The following MSMP variants were observed in gnomAD, a reference collection of about 807,000 sequenced individuals.
MSMP encodes the protein microseminoprotein, prostate associated.
MSMP carries 9 observed loss-of-function variants against 15.8 expected under a neutral mutation model. The ratio of observed to expected loss-of-function variants is 0.57; its 90% CI spans 0.34 to 0.99. The LOEUF is 0.99. Ranked by LOEUF, MSMP falls within the 50% of genes least tolerant of loss-of-function variation. MSMP has a pLI of 0.02. For synonymous variants in MSMP, 64 were observed against 64.4 expected (o/e 0.99, Z 0.03); for missense variants, 170 against 173.4 (o/e 0.98, Z 0.11).
chr9:35,754,144 C>A lies in MSMP; in HGVS notation c.-15G>T. 6.2e-7 allele frequency: 1 copy of A among 1,605,204 alleles called. No homozygotes were observed. The highest frequency in any genetic ancestry group is 8.5e-7 in the Non-Finnish European group (1 of 1,174,744). On this transcript the variant is annotated 5_prime_UTR_variant, in exon 1 of 3. Coordinates refer to ENST00000436428, the MANE Select transcript of MSMP (RefSeq NM_001044264.3). The stretch of plus-strand genomic sequence containing the variant: ...CTTAGGGCCATTGCTGCTGCACAGC[C>A]CTCTCAGACCCTTCTTGGCCTCTGC...
chr9:35,753,564 T>C lies in MSMP; in HGVS notation c.239+96A>G, dbSNP rs1304303248. 16 of 1,064,882 alleles carry C rather than the reference T, an allele frequency of 1.5e-5. No individual in the cohort carries two copies. The Middle Eastern group carries it at 1.0e-3, about 68-fold the overall frequency. 66.0% of individuals were successfully genotyped at this position (1,064,882 alleles called of 1,614,324 possible). A position where few individuals can be genotyped will look rare whatever the true frequency, so the allele number is the denominator to read the frequency against. ...TTTGGCCCATCTTGTATTGCTCTTC[T>C]GTTCATTCTTACATCACAGCAATCT... On this transcript the variant is annotated intron_variant, in intron 2 of 2. Coordinates refer to ENST00000436428, the MANE Select transcript of MSMP (RefSeq NM_001044264.3). The surrounding 1 kb of genome is among the most constrained non-coding windows in gnomAD (Gnocchi z 4.2).
Position 35,753,265 on chromosome 9 carries a change from G to T in MSMP, c.255C>A (p.Ile85=). 6.2e-7 allele frequency: 1 copy of T among 1,613,790 alleles called. No homozygotes were observed. Among genetic ancestry groups the T allele is most frequent in the Non-Finnish European group, 8.5e-7 (1 of 1,179,980 alleles). The change falls in exon 3 of 3, where the codon ATC becomes ATA. Residue 85 remains isoleucine (I), a synonymous_variant. Coordinates refer to ENST00000436428, the MANE Select transcript of MSMP (RefSeq NM_001044264.3). The surrounding 1 kb of genome is among the most constrained non-coding windows in gnomAD (Gnocchi z 4.2). ...GTACCTCACACCCAGCCGGGAAGTC[G>T]ATGGGATGCTGGGACCTGGGGAACC... ...VGCCDTSQHP[I]DFPAGCEVRQ...
Position 35,753,827 on chromosome 9 carries a change from T to C in MSMP, c.131-59A>G. On this transcript the variant is annotated intron_variant, in intron 1 of 2. Coordinates refer to ENST00000436428, the MANE Select transcript of MSMP (RefSeq NM_001044264.3). This position sits in a 1 kb window ranked among gnomAD's most constrained non-coding sequence, Gnocchi z 4.2. The stretch of plus-strand genomic sequence containing the variant: ...GAGTGCTGATGAGAGGCAGAGGCTC[T>C]TCTGGTCTGGGGTGGAGACAGTAAG... 6.4e-7 allele frequency: 1 copy of C among 1,555,662 alleles called. No individual in the cohort carries two copies. The highest frequency in any genetic ancestry group is 8.9e-7 in the Non-Finnish European group (1 of 1,129,616).
At position 35,753,802 on chromosome 9, in the gene MSMP, G is replaced by C. The variant is rs1167466762; in HGVS notation, c.131-34C>G. The C allele has an allele frequency of 1.9e-6, 3 of 1,581,706 alleles. No individual in the cohort carries two copies. The highest frequency in any genetic ancestry group is 2.6e-6 in the Non-Finnish European group (3 of 1,151,262). ...GAACGGGAAATGTTAGTAGGTGTAG[G>C]AGTGCTGATGAGAGGCAGAGGCTCT... On this transcript the variant is annotated intron_variant, in intron 1 of 2. Transcript: ENST00000436428. This position sits in a 1 kb window ranked among gnomAD's most constrained non-coding sequence, Gnocchi z 4.2.
Position 35,754,006 on chromosome 9 carries a change from C to T in MSMP, c.124G>A (p.Ala42Thr), listed in dbSNP as rs1416135154. ...PGVYSKCYFQ[A>T]QAPCHYEGKY... ...ACGCTTCACCCCACTTTACCTTGAGCTTGGAAGTAGCACTTGCTGTAGACT... is the reference window on the plus strand; with the variant it reads ...ACGCTTCACCCCACTTTACCTTGAGTTTGGAAGTAGCACTTGCTGTAGACT... Residue 42 changes from alanine (A) to threonine (T), a missense_variant, in exon 1 of 3, where the codon GCT becomes ACT. Coordinates refer to ENST00000436428, the MANE Select transcript of MSMP (RefSeq NM_001044264.3). The T allele has an allele frequency of 6.2e-7, 1 of 1,613,016 alleles. No individual in the cohort carries two copies.
chr9:35,753,993 A>G lies in MSMP; in HGVS notation c.130+7T>C. 6.2e-7 allele frequency: 1 copy of G among 1,611,360 alleles called. No individual in the cohort carries two copies. The highest frequency in any genetic ancestry group is 8.5e-7 in the Non-Finnish European group (1 of 1,178,266). On this transcript the variant is annotated splice_region_variant and intron_variant, in intron 1 of 2. Coordinates refer to ENST00000436428, the MANE Select transcript of MSMP (RefSeq NM_001044264.3). The surrounding 1 kb of genome is among the most constrained non-coding windows in gnomAD (Gnocchi z 4.2). ...TCCTCCATTCCTAACGCTTCACCCCACTTTACCTTGAGCTTGGAAGTAGCA... is the reference window on the plus strand; with the variant it reads ...TCCTCCATTCCTAACGCTTCACCCCGCTTTACCTTGAGCTTGGAAGTAGCA...
In MSMP at chr9:35,753,725, A is replaced by T; in HGVS notation, c.174T>A (p.Ser58=). The T allele has an allele frequency of 1.9e-6, 3 of 1,614,184 alleles. No individual in the cohort carries two copies. The highest frequency in any genetic ancestry group is 2.5e-6 in the Non-Finnish European group (3 of 1,180,024). Reference sequence around the variant, plus strand: ...AATGGAAACAGTCCTTGCGGAGCCAAGACTCACCCAGGGTAAAATATTTCC... The same window carrying T: ...AATGGAAACAGTCCTTGCGGAGCCATGACTCACCCAGGGTAAAATATTTCC... ...YEGKYFTLGE[S]WLRKDCFHCT... Residue 58 remains serine, a synonymous_variant, in exon 2 of 3, where the codon TCT becomes TCA. Transcript: ENST00000436428. The surrounding 1 kb of genome is among the most constrained non-coding windows in gnomAD (Gnocchi z 4.2).
At position 35,753,768 on chromosome 9, in the gene MSMP, G is replaced by A. The variant is rs202020472; in HGVS notation, c.131C>T (p.Ala44Val). 869 of 1,612,674 alleles carry A rather than the reference G, an allele frequency of 5.4e-4. No homozygotes were observed. The highest frequency in any genetic ancestry group is 5.9e-4 in the Non-Finnish European group (694 of 1,178,702). The change falls in exon 2 of 3, where the codon GCC becomes GTC. Residue 44 changes from alanine to valine, a missense_variant and splice_region_variant. Coordinates refer to ENST00000436428, the MANE Select transcript of MSMP (RefSeq NM_001044264.3). The surrounding 1 kb of genome is among the most constrained non-coding windows in gnomAD (Gnocchi z 4.2). The part of the protein sequence containing the change: ...VYSKCYFQAQ[A>V]PCHYEGKYFT... ...ATATTTCCCCTCATAGTGACAGGGG[G>A]CTAGGGAAGAACGGGAAATGTTAGT...
rs556041798 is a variant in MSMP, at chr9:35,753,880, C to G, written c.131-112G>C. On this transcript the variant is annotated intron_variant, in intron 1 of 2. Coordinates refer to ENST00000436428, the MANE Select transcript of MSMP (RefSeq NM_001044264.3). This position sits in a 1 kb window ranked among gnomAD's most constrained non-coding sequence, Gnocchi z 4.2. ...CGCACTATCCCCGTATTTAGTTTGT[C>G]TTTCCTGTTTCACAGCTGGAGGAAG... 1 of 1,545,398 alleles carries G rather than the reference C, an allele frequency of 6.5e-7. No homozygotes were observed. Among genetic ancestry groups the G allele is most frequent in the African/African-American group, 1.4e-5 (1 of 73,484 alleles).
chr9:35,753,631 A>C lies in MSMP; in HGVS notation c.239+29T>G. On this transcript the variant is annotated intron_variant, in intron 2 of 2. Transcript: ENST00000436428. This position sits in a 1 kb window ranked among gnomAD's most constrained non-coding sequence, Gnocchi z 4.2. ...TCCCTCAGTCACTCATATCAGAGTC[A>C]TTCTCTCTGGCCATCTTTGGTCACT... The C allele has an allele frequency of 7.3e-6, 11 of 1,516,024 alleles. No homozygotes were observed. Among genetic ancestry groups the C allele is most frequent in the South Asian group, 1.1e-5 (1 of 88,594 alleles). The allele number at this position is 1,516,024 out of a possible 1,614,324, so 93.9% of individuals were successfully genotyped here.
Position 35,753,596 on chromosome 9 carries a change from T to C in MSMP, c.239+64A>G. ...TCTTACATCACAGCAATCTAGTCACTCCCTGGTCATCCCTCAGTCACTCAT... is the reference window on the plus strand; with the variant it reads ...TCTTACATCACAGCAATCTAGTCACCCCCTGGTCATCCCTCAGTCACTCAT... On this transcript the variant is annotated intron_variant, in intron 2 of 2. Coordinates refer to ENST00000436428, the MANE Select transcript of MSMP (RefSeq NM_001044264.3). This position sits in a 1 kb window ranked among gnomAD's most constrained non-coding sequence, Gnocchi z 4.2. 7.3e-7 allele frequency: 1 copy of C among 1,367,136 alleles called. No homozygotes were observed. The highest frequency in any genetic ancestry group is 1.0e-6 in the Non-Finnish European group (1 of 970,168). 84.7% of individuals were successfully genotyped at this position (1,367,136 alleles called of 1,614,324 possible).
chr9:35,753,376 A>AAAGGGGCTCTGTGGGG lies in MSMP; in HGVS notation c.240-97_240-96insCCCCACAGAGCCCCTT. The AAAGGGGCTCTGTGGGG allele has an allele frequency of 7.2e-7, 1 of 1,380,530 alleles. No homozygotes were observed. The highest frequency in any genetic ancestry group is 9.8e-7 in the Non-Finnish European group (1 of 1,015,804). The allele number at this position is 1,380,530 out of a possible 1,614,324, so 85.5% of individuals were successfully genotyped here. A position where few individuals can be genotyped will look rare whatever the true frequency, so the allele number is the denominator to read the frequency against. ...CTCTCTCACAGTTTTCCCCCCACAG[A>AAAGGGGCTCTGTGGGG]GCCCCTTTCAGTGGCCCCTTGGTCC... On this transcript the variant is annotated intron_variant, in intron 2 of 2. Coordinates refer to ENST00000436428, the MANE Select transcript of MSMP (RefSeq NM_001044264.3). This position sits in a 1 kb window ranked among gnomAD's most constrained non-coding sequence, Gnocchi z 4.2.
Position 35,752,991 on chromosome 9 carries a change from T to G in MSMP, c.*109A>C, listed in dbSNP as rs371177398. ...TGTCGTGGACAGTGAGAGTCGGGCT[T>G]TCAGCTATAGCATTAATTTATTTGT... On this transcript the variant is annotated 3_prime_UTR_variant, in exon 3 of 3. Transcript: ENST00000436428. 4 of 1,535,158 alleles carry G rather than the reference T, an allele frequency of 2.6e-6. No individual in the cohort carries two copies.
chr9:35,753,429 G>A lies in MSMP; in HGVS notation c.240-149C>T, dbSNP rs1171919423. ...CTAACTAAGCTGTCACCTACCATAT[G>A]TGGGCCTTTTTGTTTTATAACAGGA... On this transcript the variant is annotated intron_variant, in intron 2 of 2. Coordinates refer to ENST00000436428, the MANE Select transcript of MSMP (RefSeq NM_001044264.3). The surrounding 1 kb of genome is among the most constrained non-coding windows in gnomAD (Gnocchi z 4.2). 1.1e-6 allele frequency: 1 copy of A among 888,482 alleles called. No individual in the cohort carries two copies. Among genetic ancestry groups the A allele is most frequent in the African/African-American group, 1.7e-5 (1 of 58,868 alleles). 55.0% of individuals were successfully genotyped at this position (888,482 alleles called of 1,614,324 possible). A position where few individuals can be genotyped will look rare whatever the true frequency, so the allele number is the denominator to read the frequency against.
chr9:35,753,741 A>G lies in MSMP; in HGVS notation c.158T>C (p.Phe53Ser), dbSNP rs1461207843. ...QAPCHYEGKY[F>S]TLGESWLRKD... ...GCGGAGCCAAGACTCACCCAGGGTAAAATATTTCCCCTCATAGTGACAGGG... is the reference window on the plus strand; with the variant it reads ...GCGGAGCCAAGACTCACCCAGGGTAGAATATTTCCCCTCATAGTGACAGGG... Residue 53 changes from phenylalanine to serine, a missense_variant, in exon 2 of 3, where the codon TTT becomes TCT. Phe to Ser is a radical substitution (Grantham distance 155, BLOSUM62 -2). Coordinates refer to ENST00000436428, the MANE Select transcript of MSMP (RefSeq NM_001044264.3). This position sits in a 1 kb window ranked among gnomAD's most constrained non-coding sequence, Gnocchi z 4.2. 6.2e-7 allele frequency: 1 copy of G among 1,614,118 alleles called. No homozygotes were observed. The highest frequency in any genetic ancestry group is 1.1e-5 in the South Asian group (1 of 91,076).
Position 35,753,160 on chromosome 9 carries a change from G to C in MSMP, c.360C>G (p.Asp120Glu), listed in dbSNP as rs567789321. ...PRLPCKGGGP[D>E]PEWGSANTPV... ...GGGTGTTGGCTGAGCCCCATTCTGG[G>C]TCAGGCCCTCCCCCTTTGCAGGGCA... is the stretch of plus-strand genomic sequence containing the variant. Residue 120 changes from aspartate to glutamate, a missense_variant, in exon 3 of 3, where the codon GAC becomes GAG. Physicochemically the swap from Asp to Glu is conservative, Grantham distance 45. Coordinates refer to ENST00000436428, the MANE Select transcript of MSMP (RefSeq NM_001044264.3). This position sits in a 1 kb window ranked among gnomAD's most constrained non-coding sequence, Gnocchi z 4.2. The C allele has an allele frequency of 6.2e-7, 1 of 1,614,194 alleles. No homozygotes were observed.
Position 35,753,917 on chromosome 9 carries a change from T to A in MSMP, c.130+83A>T. 1.3e-6 allele frequency: 2 copies of A among 1,560,540 alleles called. No individual in the cohort carries two copies. The highest frequency in any genetic ancestry group is 1.7e-6 in the Non-Finnish European group (2 of 1,149,046). On this transcript the variant is annotated intron_variant, in intron 1 of 2. Transcript: ENST00000436428. The surrounding 1 kb of genome is among the most constrained non-coding windows in gnomAD (Gnocchi z 4.2). ...ACAGCTGGAGGAAGCCTGGGTATTT[T>A]GACACGGGATCATCTGTAAGGCCCC...
chr9:35,753,952 G>A lies in MSMP; in HGVS notation c.130+48C>T, dbSNP rs750725607. On this transcript the variant is annotated intron_variant, in intron 1 of 2. Transcript: ENST00000436428. The surrounding 1 kb of genome is among the most constrained non-coding windows in gnomAD (Gnocchi z 4.2). Reference sequence around the variant, plus strand: ...TCATCTGTAAGGCCCCATCCTCCCTGTGCCCTCTCTGCTGCTCCTCCATTC... The same window carrying A: ...TCATCTGTAAGGCCCCATCCTCCCTATGCCCTCTCTGCTGCTCCTCCATTC... 1.9e-6 allele frequency: 3 copies of A among 1,588,132 alleles called. No homozygotes were observed. Among genetic ancestry groups the A allele is most frequent in the Non-Finnish European group, 1.7e-6 (2 of 1,164,014 alleles).
At position 35,753,107 on chromosome 9, in the gene MSMP, G is replaced by C. The variant is rs769972956; in HGVS notation, c.413C>G (p.Ser138Cys). ...TPVPGAPAPH[S>C]S Reference sequence around the variant, plus strand: ...ATGGATGATCAGTTGAGTTTAGCTGGAGTGGGGAGCAGGAGCCCCAGGAAC... The same window carrying C: ...ATGGATGATCAGTTGAGTTTAGCTGCAGTGGGGAGCAGGAGCCCCAGGAAC... Residue 138 changes from serine (S) to cysteine (C), a missense_variant, in exon 3 of 3, where the codon TCC (serine) becomes TGC (cysteine). Ser to Cys is a moderately radical substitution (Grantham distance 112). Coordinates refer to ENST00000436428, the MANE Select transcript of MSMP (RefSeq NM_001044264.3). The surrounding 1 kb of genome is among the most constrained non-coding windows in gnomAD (Gnocchi z 4.2). The C allele has an allele frequency of 6.2e-7, 1 of 1,613,880 alleles. No homozygotes were observed.
Sources: gnomAD v4.1 joint callset for allele counts on GRCh38, gnomAD v4.1.1 for gene constraint, Gnocchi (gnomAD v3.1) non-coding constraint, MANE v1.5 for transcripts, NCBI Gene and HGNC (gene_info 2026-07-23, HGNC 2026-07-21) for gene names.